Variants in NEMF observed in about 807,000 individuals in gnomAD.
NEMF encodes the protein ribosome quality control complex subunit NEMF.
In NEMF, 89 loss-of-function variants were observed where a neutral mutation model predicts 162.2. The ratio of observed to expected loss-of-function variants is 0.55; its 90% CI spans 0.46 to 0.65. The LOEUF (loss-of-function observed/expected upper bound fraction) is 0.65, where lower values mean the gene tolerates loss of function less well. Among genes scored for constraint, NEMF ranks in the 30% least tolerant of loss-of-function variants. The pLI, the probability that NEMF is intolerant of heterozygous loss-of-function variation, is 0.00. For missense variants in NEMF, 1,133 were observed against 1,261.9 expected, an observed-to-expected ratio of 0.90 and a Z score of 1.55; for synonymous variants, 421 against 404.5, an observed-to-expected ratio of 1.04 and a Z score of -0.49.
At chr14:49,820,854 G>T (rs540419448) in intron 16 of NEMF, among the ~76,000 whole-genome samples, 1 of 152,034 alleles carries the variant, frequency 6.6e-6, no homozygotes, top group Non-Finnish European at 1.5e-5. Flanking sequence ...TCCTAACCAC[G>T]AGTGATCCGC....
At chr14:49,831,777 CA>C (rs775377868) in intron 10 of NEMF, among the ~76,000 whole-genome samples, 3 of 152,130 alleles carry the variant, frequency 2.0e-5, no homozygotes, top group Non-Finnish European at 2.9e-5. Flanking sequence ...TTCATAACAC[CA>C]CTCAAAGAAC....
intron 18 of NEMF, among the ~76,000 whole-genome samples, chr14:49,810,684 A>AAAAAT: frequency 6.6e-6 from 1 of 152,146 alleles, no homozygotes; most frequent in East Asian, 1.9e-4. Context: ...CCATCTCTGA[A>AAAAAT]AAAATAAAAT....
At chr14:49,828,022 A>AT (rs1176505975) in intron 15 of NEMF, among the ~76,000 whole-genome samples, 1 of 152,220 alleles carries the variant, frequency 6.6e-6, no homozygotes, top group East Asian at 1.9e-4. Context: ...GATGGATTGC[A>AT]TGATTTATGG....
intron 6 of NEMF, among the ~76,000 whole-genome samples, chr14:49,836,373 C>T (rs1892904256): frequency 2.0e-5 from 3 of 151,994 alleles, no homozygotes; most frequent in Admixed American, 6.6e-5. Flanking sequence ...AAATGCTGGC[C>T]GAGCGCAGTT....
At chr14:49,835,846 A>G (rs1892872604) in intron 6 of NEMF, among the ~76,000 whole-genome samples, 1 of 152,248 alleles carries the variant, frequency 6.6e-6, no homozygotes, top group Non-Finnish European at 1.5e-5. Context: ...ATAGAAATCA[A>G]TTGTATTTCT....
At chr14:49,798,853 G>A (rs1890814363) in intron 25 of NEMF, among the ~76,000 whole-genome samples, 1 of 151,942 alleles carries the variant, frequency 6.6e-6, no homozygotes, top group Admixed American at 6.6e-5. Context: ...CTTGCAGTGA[G>A]CCGAGATCAT....
intron 25 of NEMF, among the ~76,000 whole-genome samples, chr14:49,799,207 CAAAAAAAAAAAA>C (rs780442972): frequency 5.1e-5 from 3 of 59,066 alleles, no homozygotes; most frequent in African/African-American, 2.1e-4. Flanking sequence ...GACCCTGTTT[CAAAAAAAAAAAA>C]AAAAAAAAAA....
chr14:49,793,725 C>T (rs921036734), intron 26 of NEMF, among the ~76,000 whole-genome samples: 3 of 152,064 alleles, frequency 2.0e-5, no homozygotes, highest in Non-Finnish European at 2.9e-5. Context: ...GTCCTCGTTG[C>T]GTACCCATAA....
intron 19 of NEMF, among the ~76,000 whole-genome samples, chr14:49,805,096 T>C (rs1891127091): frequency 6.6e-6 from 1 of 152,066 alleles, no homozygotes; most frequent in Non-Finnish European, 1.5e-5. Context: ...TCTAAAAAAT[T>C]TCTTAATGAA....
chr14:49,784,598 A>T lies in NEMF; in HGVS notation c.*38T>A. 6.3e-6 allele frequency: 9 copies of T among 1,434,162 alleles called. No homozygotes were observed. The highest frequency in any genetic ancestry group is 7.8e-6 in the Non-Finnish European group (8 of 1,024,510). 88.8% of individuals were successfully genotyped at this position (1,434,162 alleles called of 1,614,324 possible). On this transcript the variant is annotated 3_prime_UTR_variant, in exon 33 of 33. Coordinates refer to ENST00000298310, the MANE Select transcript of NEMF (RefSeq NM_004713.6). ...TCTTTGAACTTCCAAAAGGCTATAA[A>T]ATTGGCTCTTCTCAAATATTTTAGA...
At chr14:49,849,609 T>C (rs1455046783) in intron 3 of NEMF, 1 of 152,238 alleles carries the variant, frequency 6.6e-6, no homozygotes, top group East Asian at 1.9e-4. Flanking sequence ...GAATTCTAAG[T>C]ATTTTTTAAA....
intron 7 of NEMF, 48 bp downstream of exon 7, chr14:49,834,315 T>G: frequency 7.4e-7 from 1 of 1,345,688 alleles, no homozygotes; most frequent in South Asian, 1.2e-5. Flanking sequence ...AAAATTTTCA[T>G]AGTTTAAAAA....
chr14:49,845,513 T>G (rs1024815749), intron 4 of NEMF, among the ~76,000 whole-genome samples: 5 of 152,254 alleles, frequency 3.3e-5, no homozygotes, highest in Admixed American at 6.5e-5. Context: ...AACTTTAAAC[T>G]TTTTAGCTTT....
In NEMF at chr14:49,838,071, AT is replaced by A. The variant is rs368099683; in HGVS notation, c.574+67del. 203 of 1,218,494 alleles carry A rather than the reference AT, an allele frequency of 1.7e-4. 1 individual carries two copies. The African/African-American group carries it at 2.5e-3, about 15-fold the overall frequency. The allele number at this position is 1,218,494 out of a possible 1,614,324, so 75.5% of individuals were successfully genotyped here. ...AAATTTTCTAATAAAACCATAAAAGATTTCAATATATTCCTGAAAACCACAC... is the reference window on the plus strand; with the variant it reads ...AAATTTTCTAATAAAACCATAAAAGATTCAATATATTCCTGAAAACCACAC... On this transcript the variant is annotated intron_variant, in intron 6 of 32. Transcript: ENST00000298310.
chr14:49,828,353 A>G lies in NEMF; in HGVS notation c.1426T>C (p.Tyr476His), dbSNP rs770078192. The change falls in exon 15 of 33, where the codon TAT becomes CAT. Residue 476 changes from tyrosine (Y) to histidine (H), a missense_variant and splice_region_variant. Tyr to His is a moderately conservative substitution (Grantham distance 83). Coordinates refer to ENST00000298310, the MANE Select transcript of NEMF (RefSeq NM_004713.6). ...GCAGCATATCTCTTGTGATCATAAT[A>G]CCTAGAAAAACATATTTCTCTTAAA... ...SLSAYANAKK[Y>H]YDHKRYAAKK... The G allele has an allele frequency of 2.6e-6, 4 of 1,552,792 alleles. No individual in the cohort carries two copies. In the East Asian group the frequency reaches 6.8e-5, roughly 26 times the overall value.
chr14:49,844,564 A>T (rs2140019853), intron 4 of NEMF, among the ~76,000 whole-genome samples: 1 of 152,238 alleles, frequency 6.6e-6, no homozygotes, highest in South Asian at 2.1e-4. Context: ...AGTAAATGTG[A>T]AGGCCTGGGA....
chr14:49,829,483 CCT>C, intron 11 of NEMF, 57 bp from the exon 12 acceptor site: 2 of 1,365,238 alleles, frequency 1.5e-6, no homozygotes, highest in Admixed American at 1.9e-5. Context: ...TCATGACATC[CCT>C]CTCTTACTTC....
At chr14:49,832,520 C>T (rs1435415082) in intron 8 of NEMF, among the ~76,000 whole-genome samples, 1 of 151,814 alleles carries the variant, frequency 6.6e-6, no homozygotes. Flanking sequence ...TTAGTAGAGA[C>T]AGGGGTTTTG....
At chr14:49,844,901 TG>T in intron 4 of NEMF, 2 of 312,276 alleles carry the variant, frequency 6.4e-6, no homozygotes, top group South Asian at 2.4e-5. Flanking sequence ...CCCGAGTAGC[TG>T]GGACTACAGG....
Sources: allele counts gnomAD v4.1 joint callset (sites outside exome capture counted in the v4.1 genomes callset), GRCh38; gene constraint gnomAD v4.1.1; transcripts MANE v1.5; gene names NCBI Gene and HGNC (gene_info 2026-07-23, HGNC 2026-07-21).